CRACD: variants seen among roughly 807,000 people sequenced by gnomAD.
The protein encoded by CRACD is capping protein-inhibiting regulator of actin dynamics.
In CRACD, 56 loss-of-function variants were observed where a neutral mutation model predicts 106.8. That is an observed-to-expected ratio of 0.52 (90% CI 0.42 to 0.66). CRACD has a LOEUF of 0.66. CRACD is among the 30% of genes least tolerant of loss of function. The pLI is 0.00. For synonymous variants in CRACD, 754 were observed against 670.8 expected, an observed-to-expected ratio of 1.12 and a Z score of -1.92; for missense variants, 1,730 against 1,623.2, an observed-to-expected ratio of 1.07 and a Z score of -1.13.
chr4:56,127,838 A>G (rs1445084217), intron 1 of CRACD, among the ~76,000 whole-genome samples: 1 of 152,206 alleles, frequency 6.6e-6, no homozygotes, highest in Non-Finnish European at 1.5e-5. Flanking sequence ...GACCTTCAAT[A>G]TGGAAAGCCT....
chr4:56,209,026 T>C lies in CRACD; in HGVS notation c.-189+29596T>C, dbSNP rs898000835. 3.3e-5 allele frequency among the ~76,000 whole-genome samples: 5 copies of C among 152,292 alleles called. No homozygotes were observed. In the East Asian group the frequency reaches 5.8e-4, roughly 18 times the overall value. On this transcript the variant is annotated intron_variant, in intron 2 of 10. Coordinates refer to ENST00000682029, the MANE Select transcript of CRACD (RefSeq NM_001393381.1). ...TTTACTCAAAAGGTAAACAAAAATA[T>C]CTTGCTATCACTATTAACACTATAA...
intron 1 of CRACD, among the ~76,000 whole-genome samples, chr4:56,101,648 A>G (rs1393903283): frequency 6.6e-6 from 1 of 151,834 alleles, no homozygotes; most frequent in Non-Finnish European, 1.5e-5. Flanking sequence ...CTGTAATCCC[A>G]GCTACTTGGG....
rs531718997 is a variant in CRACD at position 56,092,495 on chromosome 4, C to CT, written c.-336+43200dup. Among the ~76,000 whole-genome samples, 668 of 152,152 alleles carry CT rather than the reference C, an allele frequency of 4.4e-3. 4 individuals carry two copies. Among genetic ancestry groups the CT allele is most frequent in the African/African-American group, 0.015 (606 of 41,510 alleles). On this transcript the variant is annotated intron_variant, in intron 1 of 10. Coordinates refer to ENST00000682029, the MANE Select transcript of CRACD (RefSeq NM_001393381.1). The stretch of plus-strand genomic sequence containing the variant: ...TTAGTATGAGAAAAAGAATGGAAAG[C>CT]TTTTATATTGATTGCACAATGAATT...
intron 1 of CRACD, among the ~76,000 whole-genome samples, chr4:56,120,965 G>A (rs995736460): frequency 1.3e-5 from 2 of 152,176 alleles, no homozygotes; most frequent in Non-Finnish European, 2.9e-5. Context: ...AGCGCTACTA[G>A]TTCTGAGACT....
intron 1 of CRACD, among the ~76,000 whole-genome samples, chr4:56,058,701 A>G (rs1732171179): frequency 1.3e-5 from 2 of 152,294 alleles, no homozygotes; most frequent in East Asian, 1.9e-4. Context: ...TGAGATTTGT[A>G]TTTCCTAATC....
At chr4:56,086,416 T>TTA (rs1484531133) in intron 1 of CRACD, among the ~76,000 whole-genome samples, 9 of 152,116 alleles carry the variant, frequency 5.9e-5, no homozygotes, top group Admixed American at 5.9e-4. Context: ...AGTGTTGGGA[T>TTA]TATAGGTGGT....
At chr4:56,203,733 A>G (rs922665419) in intron 2 of CRACD, among the ~76,000 whole-genome samples, 1 of 152,202 alleles carries the variant, frequency 6.6e-6, no homozygotes, top group African/African-American at 2.4e-5. Context: ...ACAGTGTGGA[A>G]ACAAGCACTT....
intron 1 of CRACD, among the ~76,000 whole-genome samples, chr4:56,120,806 C>G (rs1171517904): frequency 1.3e-5 from 2 of 152,088 alleles, no homozygotes; most frequent in Admixed American, 6.6e-5. Flanking sequence ...CAGTTTGGGC[C>G]TTGTTTCATA....
At chr4:56,259,585 C>T (rs955579918) in intron 2 of CRACD, among the ~76,000 whole-genome samples, 9 of 152,142 alleles carry the variant, frequency 5.9e-5, no homozygotes, top group Admixed American at 2.0e-4. Flanking sequence ...TACTTGGTTA[C>T]AGGTCCAGGA....
intron 2 of CRACD, among the ~76,000 whole-genome samples, chr4:56,227,411 T>C (rs2109526558): frequency 6.6e-6 from 1 of 152,318 alleles, no homozygotes; most frequent in East Asian, 1.9e-4. Flanking sequence ...TAAGTTAGAA[T>C]GTTAAGTGAT....
At chr4:56,069,775 C>T (rs1187363291) in intron 1 of CRACD, among the ~76,000 whole-genome samples, 2 of 152,182 alleles carry the variant, frequency 1.3e-5, no homozygotes, top group Non-Finnish European at 2.9e-5. Flanking sequence ...GAAGCTGTCT[C>T]AGTCTTTCTC....
At chr4:56,142,225 T>C (rs1048833249) in intron 1 of CRACD, among the ~76,000 whole-genome samples, 5 of 152,260 alleles carry the variant, frequency 3.3e-5, no homozygotes, top group Admixed American at 2.6e-4. Flanking sequence ...TGCTTTCTAA[T>C]ATACCATGGG....
At chr4:56,236,761 G>A (rs113974844) in intron 2 of CRACD, among the ~76,000 whole-genome samples, 86 of 151,026 alleles carry the variant, frequency 5.7e-4, no homozygotes, top group African/African-American at 2.0e-3. Context: ...CAAAACTTTT[G>A]TGCTGCAAAA....
At chr4:56,202,559 T>C (rs1361300142) in intron 2 of CRACD, among the ~76,000 whole-genome samples, 2 of 152,192 alleles carry the variant, frequency 1.3e-5, no homozygotes, top group African/African-American at 4.8e-5. Context: ...AGCAACATTC[T>C]TAAGCTTTCC....
chr4:56,175,312 T>C (rs979513777), intron 1 of CRACD, among the ~76,000 whole-genome samples: 9 of 152,202 alleles, frequency 5.9e-5, no homozygotes, highest in Non-Finnish European at 8.8e-5. Flanking sequence ...CATTCTCCTT[T>C]CTCTGCATCC....
In CRACD at chr4:56,229,850, C is replaced by A. The variant is rs567640755; in HGVS notation, c.-188-42471C>A. On this transcript the variant is annotated intron_variant, in intron 2 of 10. Transcript: ENST00000682029. ...TTCATTGCTTCCATTGCTACCCCTG[C>A]ACAACTCTGTGATTTATCTCTGAAT... 9.6e-4 allele frequency among the ~76,000 whole-genome samples: 146 copies of A among 152,296 alleles called. 1 individual carries two copies. The highest frequency in any genetic ancestry group is 3.5e-3 in the African/African-American group (145 of 41,560).
At chr4:56,271,559 A>T (rs1045473278) in intron 2 of CRACD, among the ~76,000 whole-genome samples, 4 of 151,922 alleles carry the variant, frequency 2.6e-5, no homozygotes, top group Non-Finnish European at 5.9e-5. Context: ...GTATAGATAG[A>T]GATAAAAATA....
intron 3 of CRACD, among the ~76,000 whole-genome samples, chr4:56,273,794 G>A (rs1258518243): frequency 6.6e-6 from 1 of 152,138 alleles, no homozygotes; most frequent in African/African-American, 2.4e-5. Flanking sequence ...TGTATTACGT[G>A]CTCAAAAAAA....
At chr4:56,226,471 C>T (rs1460841641) in intron 2 of CRACD, among the ~76,000 whole-genome samples, 2 of 152,100 alleles carry the variant, frequency 1.3e-5, no homozygotes, top group Admixed American at 1.3e-4. Context: ...TCCTTAGGGA[C>T]TCCAGAGGAC....
Sources: allele counts gnomAD v4.1 joint callset (sites outside exome capture counted in the v4.1 genomes callset), GRCh38; gene constraint gnomAD v4.1.1; transcripts MANE v1.5; gene names NCBI Gene and HGNC (gene_info 2026-07-23, HGNC 2026-07-21).